The following SERAC1 variants were observed in gnomAD, a reference collection of about 807,000 sequenced individuals.
The protein encoded by SERAC1 is serine active site containing 1, also known as protein SERAC1.
SERAC1 carries 36 observed loss-of-function variants against 85.7 expected under a neutral mutation model. The observed-to-expected ratio is 0.42, with a 90% CI of 0.32 to 0.55. The LOEUF (loss-of-function observed/expected upper bound fraction) is 0.55, where lower values mean the gene tolerates loss of function less well. SERAC1 is among the 20% of genes least tolerant of loss of function. SERAC1 has a pLI of 0.11. For missense variants in SERAC1, 629 were observed against 796.2 expected (o/e 0.79, Z 2.53); for synonymous variants, 242 against 265.3 (o/e 0.91, Z 0.85).
At chr6:158,114,720 A>ATACATT in intron 15 of SERAC1, 69 bp downstream of exon 15, 8 of 1,597,130 alleles carry the variant, frequency 5.0e-6, no homozygotes, top group Non-Finnish European at 6.8e-6. Flanking sequence ...CAAGGAAGAA[A>ATACATT]CTTTTTCTTC....
At chr6:158,138,435 C>A (rs1249072459) in intron 8 of SERAC1, among the ~76,000 whole-genome samples, 442 of 72,756 alleles carry the variant, frequency 6.1e-3, no homozygotes, top group African/African-American at 9.6e-3. Flanking sequence ...GACTCTGTCT[C>A]AAAAAAAAAA....
At position 158,114,970 on chromosome 6, in the gene SERAC1, A is replaced by G; in HGVS notation, c.1503T>C (p.Gly501=). 1.2e-6 allele frequency: 2 copies of G among 1,608,932 alleles called. No individual in the cohort carries two copies. The highest frequency in any genetic ancestry group is 1.7e-6 in the Non-Finnish European group (2 of 1,177,836). Residue 501 remains glycine (G), a splice_region_variant and synonymous_variant, in exon 15 of 17, where the codon GGT becomes GGC. Coordinates refer to ENST00000647468, the MANE Select transcript of SERAC1 (RefSeq NM_032861.4). ...PVVWISHSMG[G]LLVKKMLLEA... ...CCAACAGCATCTTTTTGACAAGAAG[A>G]CCTAGCCACAGACAAGGGAAAAAAA... is the stretch of plus-strand genomic sequence containing the variant.
chr6:158,118,070 T>C (rs1275973774), intron 12 of SERAC1, among the ~76,000 whole-genome samples: 2 of 152,256 alleles, frequency 1.3e-5, no homozygotes, highest in East Asian at 3.8e-4. Flanking sequence ...TTTAAGCTGC[T>C]ATAGCCAAAA....
chr6:158,153,211 A>C (rs1007796803), intron 3 of SERAC1, among the ~76,000 whole-genome samples: 4 of 152,246 alleles, frequency 2.6e-5, no homozygotes, highest in Admixed American at 2.0e-4. Context: ...TATCAATGGA[A>C]TCACACTACA....
chr6:158,142,039 A>C (rs16900610), intron 8 of SERAC1, among the ~76,000 whole-genome samples: 37,059 of 151,968 alleles, frequency 0.24, 4,672 homozygotes, highest in East Asian at 0.3. Flanking sequence ...TATTGCAGTT[A>C]ATAATGGTGG....
At chr6:158,116,941 G>A (rs981913013) in intron 13 of SERAC1, 4 of 152,778 alleles carry the variant, frequency 2.6e-5, no homozygotes, top group Non-Finnish European at 5.8e-5. Flanking sequence ...TAAACAGGAT[G>A]CTAATAGAAT....
At chr6:158,155,264 T>A in intron 3 of SERAC1, 51 bp downstream of exon 3, 2 of 1,300,390 alleles carry the variant, frequency 1.5e-6, no homozygotes, top group Non-Finnish European at 2.2e-6. Context: ...CCATTGAGAT[T>A]TCCAATAGAG....
chr6:158,144,443 T>C, intron 6 of SERAC1, 23 bp from the exon 7 acceptor site: 2 of 1,543,990 alleles, frequency 1.3e-6, no homozygotes, highest in Non-Finnish European at 1.8e-6. Context: ...CATTTTCTTT[T>C]GTTAATACCA....
At chr6:158,167,084 A>C (rs1785615555) in intron 1 of SERAC1, among the ~76,000 whole-genome samples, 1 of 152,172 alleles carries the variant, frequency 6.6e-6, no homozygotes, top group Non-Finnish European at 1.5e-5. Context: ...GGGAAGAAGA[A>C]GACTTGGAGG....
chr6:158,150,638 AC>A (rs753546811), intron 3 of SERAC1, 49 bp from the exon 4 acceptor site: 1 of 1,299,600 alleles, frequency 7.7e-7, no homozygotes, highest in Non-Finnish European at 1.1e-6. Flanking sequence ...TCAAAATGTA[AC>A]ACAAGAGCTA....
At chr6:158,135,259 C>T (rs1334168696) in intron 8 of SERAC1, among the ~76,000 whole-genome samples, 2 of 152,168 alleles carry the variant, frequency 1.3e-5, no homozygotes, top group African/African-American at 2.4e-5. Context: ...AGGCTGGGTG[C>T]AGTGGCTCAT....
intron 2 of SERAC1, among the ~76,000 whole-genome samples, chr6:158,156,597 T>G (rs1235954308): frequency 1.3e-5 from 2 of 151,556 alleles, no homozygotes; most frequent in Non-Finnish European, 2.9e-5. Context: ...CTTGGCTTAT[T>G]ATTATGTAAG....
chr6:158,112,085 T>C (rs1356698952), intron 16 of SERAC1: 1 of 152,512 alleles, frequency 6.6e-6, no homozygotes, highest in Non-Finnish European at 1.5e-5. Context: ...AGGGCAAGGC[T>C]ATGCCACTCC....
At chr6:158,132,929 T>C (rs539959639) in intron 8 of SERAC1, among the ~76,000 whole-genome samples, 2 of 152,148 alleles carry the variant, frequency 1.3e-5, no homozygotes, top group Non-Finnish European at 2.9e-5. Context: ...TCAAATTCTA[T>C]GAGTGCAACA....
chr6:158,131,112 T>C (rs1784661843), intron 8 of SERAC1, among the ~76,000 whole-genome samples: 1 of 151,624 alleles, frequency 6.6e-6, no homozygotes, highest in Non-Finnish European at 1.5e-5. Flanking sequence ...GTTTTCAAAA[T>C]TAAAGCATTT....
chr6:158,140,141 C>T (rs932721165), intron 8 of SERAC1, among the ~76,000 whole-genome samples: 16 of 152,220 alleles, frequency 1.1e-4, no homozygotes, highest in Admixed American at 7.2e-4. Flanking sequence ...TGGTCTCTAC[C>T]CCTGGTTCCC....
intron 1 of SERAC1, chr6:158,158,594 C>A: frequency 2.7e-6 from 1 of 372,298 alleles, no homozygotes; most frequent in Admixed American, 4.2e-5. Context: ...CACACTGTGT[C>A]CAATTGTGCA....
intron 2 of SERAC1, 126 bp downstream of exon 2, chr6:158,158,147 A>G (rs1785400932): frequency 3.1e-6 from 2 of 638,662 alleles, no homozygotes; most frequent in African/African-American, 1.8e-5. Flanking sequence ...CTATTAGTAC[A>G]GAAAGACATA....
At chr6:158,156,735 A>G (rs1177534646) in intron 2 of SERAC1, among the ~76,000 whole-genome samples, 1 of 142,102 alleles carries the variant, frequency 7.0e-6, no homozygotes, top group African/African-American at 2.6e-5. Flanking sequence ...TTATATATAT[A>G]TAAATATATT....
Sources: allele counts gnomAD v4.1 joint callset (sites outside exome capture counted in the v4.1 genomes callset), GRCh38; gene constraint gnomAD v4.1.1; transcripts MANE v1.5; gene names NCBI Gene and HGNC (gene_info 2026-07-23, HGNC 2026-07-21).